Variants in HLA-DPA1 observed in about 807,000 individuals in gnomAD.
HLA-DPA1 encodes major histocompatibility complex, class II, DP alpha 1.
HLA-DPA1 carries 20 observed loss-of-function variants against 21.5 expected under a neutral mutation model. The ratio of observed to expected loss-of-function variants is 0.93; its 90% CI spans 0.66 to 1.35. The LOEUF (loss-of-function observed/expected upper bound fraction) is 1.35. Among genes scored for constraint, HLA-DPA1 ranks in the 40% most tolerant of loss-of-function variants. The probability of loss-of-function intolerance (pLI) is 0.00; values close to 1 mark genes in which losing one functional copy is unlikely to be tolerated. For synonymous variants in HLA-DPA1, 123 were observed against 129.6 expected (o/e 0.95, Z 0.35); for missense variants, 279 against 323.0 (o/e 0.86, Z 1.05).
intron 1 of HLA-DPA1, chr6:33,076,088 C>A (rs41558014): frequency 6.2e-7 from 1 of 1,612,388 alleles, no homozygotes. Context: ...GTGGCTCTGA[C>A]GGCGTTACTG....
chr6:33,073,771 T>C, intron 1 of HLA-DPA1, 122 bp from the exon 1 acceptor site: 1 of 544,458 alleles, frequency 1.8e-6, no homozygotes, highest in Non-Finnish European at 3.2e-6. Flanking sequence ...CGCTGGAAGG[T>C]GCTGGGGAAG....
rs142456641 is a variant in HLA-DPA1 at position 33,079,557 on chromosome 6, G to A, written c.-100+1123C>T. 41 of 375,134 alleles carry A rather than the reference G, an allele frequency of 1.1e-4. No homozygotes were observed. The East Asian group carries it at 2.1e-3, about 19-fold the overall frequency. 23.2% of individuals were successfully genotyped at this position (375,134 alleles called of 1,614,324 possible). A position where few individuals can be genotyped will look rare whatever the true frequency, so the allele number is the denominator to read the frequency against. On this transcript the variant is annotated intron_variant, in intron 1 of 5. Coordinates refer to ENST00000419277, the Ensembl canonical transcript of HLA-DPA1. ...AATGTCAAAATTAAGCATAACTGGC[G>A]GAAACCCAGAGGTCTTAACAGTAGG...
rs142563144 is a variant in HLA-DPA1 at position 33,070,294 on chromosome 6, T to G, written c.101-408A>C. On this transcript the variant is annotated intron_variant, in intron 2 of 5. Coordinates refer to ENST00000419277, the Ensembl canonical transcript of HLA-DPA1. ...AATAACCCTATGAAGCAAATACATA[T>G]CATACATTTTACAGGTAAGGAAATG... 3.5e-3 allele frequency among the ~76,000 whole-genome samples: 533 copies of G among 152,280 alleles called. 3 individuals carry two copies. Among genetic ancestry groups the G allele is most frequent in the East Asian group, 0.025 (128 of 5,180 alleles).
At chr6:33,073,483 C>T (rs761891379) in exon 2 of HLA-DPA1, 2 of 1,611,812 alleles carry the variant, frequency 1.2e-6, no homozygotes, top group Non-Finnish European at 1.7e-6. Context: ...TTGATGGCCC[C>T]AGCTCCTCGG....
At chr6:33,076,141 G>T (rs779874572) in intron 1 of HLA-DPA1, 12 of 1,600,416 alleles carry the variant, frequency 7.5e-6, no homozygotes, top group Non-Finnish European at 1.0e-5. Context: ...GGCCACTCCA[G>T]GTAAGAGCCG....
exon 4 of HLA-DPA1, chr6:33,069,284 G>A (rs1126544): frequency 1.4e-5 from 23 of 1,612,278 alleles, no homozygotes; most frequent in African/African-American, 2.7e-5. Context: ...TGGGAAACAC[G>A]GTCACCTCAG....
At chr6:33,077,632 T>C (rs1470634441) in intron 1 of HLA-DPA1, among the ~76,000 whole-genome samples, 2 of 152,200 alleles carry the variant, frequency 1.3e-5, no homozygotes, top group Non-Finnish European at 2.9e-5. Flanking sequence ...TCAACCATTG[T>C]ACTCTCAGGA....
intron 5 of HLA-DPA1, chr6:33,066,488 A>T (rs957538398): frequency 6.6e-6 from 1 of 152,256 alleles, no homozygotes; most frequent in Non-Finnish European, 1.5e-5. Context: ...ACTGTAGGAG[A>T]TGTTTTAAGA....
In HLA-DPA1 at chr6:33,080,683, T is replaced by A; in HGVS notation, c.-103A>T. ...CCCCCTCCCCGCAGAGAATTACCTT[T>A]TCCAGGGACGGCAGGAATGCTACGC... On this transcript the variant is annotated 5_prime_UTR_variant, in exon 1 of 6. Transcript: ENST00000419277. The surrounding 1 kb of genome is among the most constrained non-coding windows in gnomAD (Gnocchi z 4.3). 1 of 1,612,336 alleles carries A rather than the reference T, an allele frequency of 6.2e-7. No homozygotes were observed. The highest frequency in any genetic ancestry group is 1.1e-5 in the South Asian group (1 of 91,004).
intron 5 of HLA-DPA1, 68 bp downstream of exon 4, chr6:33,068,570 A>G (rs1001154141): frequency 8.6e-6 from 11 of 1,276,234 alleles, no homozygotes; most frequent in Non-Finnish European, 1.2e-5. Flanking sequence ...ATGAACACTT[A>G]TCAGATTGAA....
At chr6:33,077,531 C>A (rs1366956237) in intron 1 of HLA-DPA1, among the ~76,000 whole-genome samples, 1 of 152,018 alleles carries the variant, frequency 6.6e-6, no homozygotes, top group Non-Finnish European at 1.5e-5. Context: ...GTTAAAATGG[C>A]GATCATTAAA....
At chr6:33,069,610 C>A in intron 3 of HLA-DPA1, 31 bp downstream of exon 2, 1 of 1,609,648 alleles carries the variant, frequency 6.2e-7, no homozygotes, top group Non-Finnish European at 8.5e-7. Context: ...TCCAGTTGGG[C>A]TACAGAGGAA....
chr6:33,069,297 G>A, exon 4 of HLA-DPA1: 10 of 1,611,718 alleles, frequency 6.2e-6, no homozygotes, highest in Non-Finnish European at 8.5e-6. Context: ...CACCTCAGGG[G>A]GATCTGGAAG....
intron 5 of HLA-DPA1, 162 bp downstream of exon 4, chr6:33,068,476 G>A: frequency 3.4e-6 from 2 of 582,432 alleles, no homozygotes; most frequent in Non-Finnish European, 6.1e-6. Context: ...CCTCAGAATA[G>A]CGCCTGACCA....
At chr6:33,067,602 A>G (rs1242834318) in intron 5 of HLA-DPA1, 1 of 152,250 alleles carries the variant, frequency 6.6e-6, no homozygotes, top group Non-Finnish European at 1.5e-5. Flanking sequence ...AAAATGGACT[A>G]ATGCATGGAC....
intron 2 of HLA-DPA1, among the ~76,000 whole-genome samples, chr6:33,072,097 G>A (rs2150362305): frequency 6.6e-6 from 1 of 152,260 alleles, no homozygotes; most frequent in African/African-American, 2.4e-5. Context: ...GGAGGATCCA[G>A]GTAAACAGGA....
At chr6:33,068,582 T>A in intron 5 of HLA-DPA1, 56 bp downstream of exon 4, 8 of 1,418,388 alleles carry the variant, frequency 5.6e-6, no homozygotes, top group Non-Finnish European at 7.7e-6. Flanking sequence ...CAGATTGAAT[T>A]TTTCCTCCCT....
Position 33,070,291 on chromosome 6 carries a change from A to C in HLA-DPA1, c.101-405T>G, listed in dbSNP as rs528834816. 4.6e-5 allele frequency among the ~76,000 whole-genome samples: 7 copies of C among 152,288 alleles called. No individual in the cohort carries two copies. The South Asian group carries it at 1.0e-3, about 23-fold the overall frequency. On this transcript the variant is annotated intron_variant, in intron 2 of 5. Coordinates refer to ENST00000419277, the Ensembl canonical transcript of HLA-DPA1. ...CACAATAACCCTATGAAGCAAATAC[A>C]TATCATACATTTTACAGGTAAGGAA...
chr6:33,066,663 C>T (rs1397727829), intron 5 of HLA-DPA1: 1 of 152,080 alleles, frequency 6.6e-6, no homozygotes, highest in African/African-American at 2.4e-5. Flanking sequence ...TTTGCAATGC[C>T]TAAAACTGAC....
Sources: gnomAD v4.1 joint callset for allele counts (sites outside exome capture counted in the v4.1 genomes callset) on GRCh38, gnomAD v4.1.1 for gene constraint, Gnocchi (gnomAD v3.1) non-coding constraint, MANE v1.5 for transcripts, NCBI Gene and HGNC (gene_info 2026-07-23, HGNC 2026-07-21) for gene names.